CDH13: variants seen among roughly 807,000 people sequenced by gnomAD.
CDH13 encodes cadherin-13.
In CDH13, 24 loss-of-function variants were observed where a neutral mutation model predicts 63.8. That is an observed-to-expected ratio of 0.38 (90% CI 0.27 to 0.53). CDH13 has a LOEUF of 0.53. Ranked by LOEUF, CDH13 falls within the 20% of genes least tolerant of loss-of-function variation. The pLI, the probability that CDH13 is intolerant of heterozygous loss-of-function variation, is 0.85. For missense variants in CDH13, 1,049 were observed against 903.1 expected (o/e 1.16, Z -2.07); for synonymous variants, 503 against 355.3 (o/e 1.42, Z -4.67).
intron 1 of CDH13, among the ~76,000 whole-genome samples, chr16:82,668,463 G>A (rs1912865073): frequency 6.6e-6 from 1 of 152,176 alleles, no homozygotes; most frequent in Non-Finnish European, 1.5e-5. Context: ...AGGGGGGACA[G>A]TTATAATATT....
At chr16:83,434,127 C>A (rs2072212140) in intron 6 of CDH13, among the ~76,000 whole-genome samples, 1 of 152,048 alleles carries the variant, frequency 6.6e-6, no homozygotes, top group East Asian at 1.9e-4. Flanking sequence ...CGTTAATAGC[C>A]CAGTCTTCTA....
intron 1 of CDH13, among the ~76,000 whole-genome samples, chr16:82,846,661 G>GTA (rs2039269398): frequency 6.6e-6 from 1 of 152,180 alleles, no homozygotes; most frequent in Non-Finnish European, 1.5e-5. Flanking sequence ...TAGTCACATA[G>GTA]GTTGTAGTTT....
chr16:82,782,005 G>A (rs953299234), intron 1 of CDH13, among the ~76,000 whole-genome samples: 12 of 152,324 alleles, frequency 7.9e-5, no homozygotes, highest in Non-Finnish European at 1.6e-4. Context: ...GGTAAAAGAG[G>A]AAGTAACCAG....
At chr16:83,272,435 T>C (rs80163345) in intron 5 of CDH13, among the ~76,000 whole-genome samples, 13,330 of 152,294 alleles carry the variant, frequency 0.088, 673 homozygotes, top group East Asian at 0.16. Context: ...CATATCGTAC[T>C]GCAGTTAGCA....
intron 3 of CDH13, among the ~76,000 whole-genome samples, chr16:83,056,508 C>G (rs775113227): frequency 7.3e-5 from 11 of 151,132 alleles, no homozygotes; most frequent in Non-Finnish European, 1.3e-4. Context: ...TATGGATAAA[C>G]TTAATAGGCA....
chr16:83,730,723 A>G (rs149031719), intron 10 of CDH13, among the ~76,000 whole-genome samples: 4 of 152,022 alleles, frequency 2.6e-5, no homozygotes, highest in Non-Finnish European at 5.9e-5. Context: ...ACCTGGGTCT[A>G]TTGCGTGTTG....
chr16:82,868,442 G>T (rs903010517), intron 2 of CDH13, among the ~76,000 whole-genome samples: 3 of 152,152 alleles, frequency 2.0e-5, no homozygotes, highest in Admixed American at 6.5e-5. Flanking sequence ...ATAATAAAAT[G>T]ACGTAAGATA....
Position 82,719,054 on chromosome 16 carries a change from C to G in CDH13, c.45+91917C>G, listed in dbSNP as rs187153461. On this transcript the variant is annotated intron_variant, in intron 1 of 13. Transcript: ENST00000567109. ...ATCCTTCACACTGAGGTCAATATCT[C>G]TTTCCCTGGGTGGTTATGAGCCTTA... Among the ~76,000 whole-genome samples, 26 of 152,320 alleles carry G rather than the reference C, an allele frequency of 1.7e-4. No homozygotes were observed. In the East Asian group the frequency reaches 4.8e-3, roughly 28 times the overall value.
chr16:83,695,033 C>G (rs1028480583), intron 10 of CDH13, among the ~76,000 whole-genome samples: 1 of 152,000 alleles, frequency 6.6e-6, no homozygotes, highest in African/African-American at 2.4e-5. Flanking sequence ...ATGATGAAAC[C>G]CCGTCTCTAT....
At chr16:83,371,986 G>T (rs2091375745) in intron 6 of CDH13, among the ~76,000 whole-genome samples, 1 of 152,234 alleles carries the variant, frequency 6.6e-6, no homozygotes, top group African/African-American at 2.4e-5. Flanking sequence ...TTTGGGGAAA[G>T]TAGAATGGCC....
chr16:83,035,260 A>G (rs890789349), intron 3 of CDH13, among the ~76,000 whole-genome samples: 2 of 152,126 alleles, frequency 1.3e-5, no homozygotes, highest in Non-Finnish European at 1.5e-5. Context: ...TGCCTGAGTC[A>G]GCTCAGCTCC....
At chr16:83,220,070 C>T (rs1250340145) in intron 5 of CDH13, among the ~76,000 whole-genome samples, 1 of 152,190 alleles carries the variant, frequency 6.6e-6, no homozygotes, top group East Asian at 1.9e-4. Flanking sequence ...CAGACTGGGG[C>T]CCAGCCCTTG....
chr16:82,866,242 C>A (rs866882111), intron 2 of CDH13, among the ~76,000 whole-genome samples: 16 of 152,100 alleles, frequency 1.1e-4, no homozygotes, highest in African/African-American at 3.9e-4. Context: ...CCTCTGAGCC[C>A]TCTAAACTGT....
chr16:83,176,213 T>C lies in CDH13; in HGVS notation c.484-41132T>C, dbSNP rs555822246. On this transcript the variant is annotated intron_variant, in intron 4 of 13. Coordinates refer to ENST00000567109, the MANE Select transcript of CDH13 (RefSeq NM_001257.5). ...CCAAGCCAAAATGACTTGTAAAACG[T>C]TGTACTTAAAGATTGTGGCTACGCT... Among the ~76,000 whole-genome samples, 4 of 151,936 alleles carry C rather than the reference T, an allele frequency of 2.6e-5. No homozygotes were observed. In the South Asian group the frequency reaches 8.4e-4, roughly 32 times the overall value.
intron 5 of CDH13, among the ~76,000 whole-genome samples, chr16:83,326,800 G>C (rs76742309): frequency 6.6e-6 from 1 of 152,114 alleles, no homozygotes; most frequent in Non-Finnish European, 1.5e-5. Context: ...GAGTCTAGAG[G>C]TCCTATAACA....
chr16:83,024,662 T>G (rs1421447380), intron 2 of CDH13, among the ~76,000 whole-genome samples: 1 of 152,206 alleles, frequency 6.6e-6, no homozygotes, highest in Admixed American at 6.5e-5. Flanking sequence ...ACATGAAGAT[T>G]TATTGCAATC....
intron 1 of CDH13, chr16:82,824,050 A>C (rs1366220399): frequency 2.6e-5 from 4 of 152,182 alleles, no homozygotes; most frequent in Non-Finnish European, 4.4e-5. Flanking sequence ...ATAAACAAGA[A>C]GAATCTGTAA....
intron 2 of CDH13, among the ~76,000 whole-genome samples, chr16:82,887,216 A>G (rs1265014268): frequency 2.0e-5 from 3 of 152,114 alleles, no homozygotes; most frequent in Non-Finnish European, 4.4e-5. Context: ...CAAATAATAC[A>G]TACTTTCAGC....
intron 2 of CDH13, among the ~76,000 whole-genome samples, chr16:82,909,252 A>ATGTGTGTG (rs10527714): frequency 0.019 from 2,823 of 146,906 alleles, 41 homozygotes; most frequent in African/African-American, 0.023. Context: ...CTGACTGTAT[A>ATGTGTGTG]TGTGTGTGTG....
Sources: allele counts gnomAD v4.1 joint callset (sites outside exome capture counted in the v4.1 genomes callset), GRCh38; gene constraint gnomAD v4.1.1; transcripts MANE v1.5; gene names NCBI Gene and HGNC (gene_info 2026-07-23, HGNC 2026-07-21).